TDRD7: variants seen among roughly 807,000 people sequenced by gnomAD.
TDRD7 encodes the protein tudor domain containing 7, also known as tudor domain-containing protein 7.
Under a neutral mutation model 109.8 loss-of-function variants are expected in TDRD7, and 47 were observed. That is an observed-to-expected ratio of 0.43 (90% CI 0.34 to 0.55). The LOEUF is 0.55. TDRD7 is among the 20% of genes least tolerant of loss of function. TDRD7 has a pLI of 0.03. For synonymous variants in TDRD7, 424 were observed against 457.3 expected, an observed-to-expected ratio of 0.93 and a Z score of 0.93; for missense variants, 1,164 against 1,319.2, an observed-to-expected ratio of 0.88 and a Z score of 1.82.
intron 1 of TDRD7, among the ~76,000 whole-genome samples, chr9:97,426,950 G>T (rs1001683699): frequency 6.6e-6 from 1 of 152,216 alleles, no homozygotes; most frequent in East Asian, 1.9e-4. Flanking sequence ...CCGCTGTCCA[G>T]TATGGTAGCC....
At chr9:97,490,933 T>TG (rs1414241911) in intron 16 of TDRD7, among the ~76,000 whole-genome samples, 3 of 144,718 alleles carry the variant, frequency 2.1e-5, no homozygotes, top group Non-Finnish European at 3.0e-5. Context: ...TTTTTTTTTT[T>TG]GAGACAGAGT....
intron 3 of TDRD7, 93 bp downstream of exon 3, chr9:97,431,167 A>G: frequency 6.4e-7 from 1 of 1,551,342 alleles, no homozygotes; most frequent in Non-Finnish European, 8.9e-7. Flanking sequence ...TATGATAAAT[A>G]CTTGTATCTG....
At chr9:97,436,524 T>G (rs955981315) in intron 4 of TDRD7, among the ~76,000 whole-genome samples, 3 of 152,124 alleles carry the variant, frequency 2.0e-5, no homozygotes, top group Non-Finnish European at 4.4e-5. Context: ...TTCCCTCAGT[T>G]TGTTTAATTA....
intron 16 of TDRD7, among the ~76,000 whole-genome samples, chr9:97,495,226 T>G (rs1417546755): frequency 6.6e-6 from 1 of 152,232 alleles, no homozygotes; most frequent in Non-Finnish European, 1.5e-5. Context: ...TGTATAATTT[T>G]AAATAACTAT....
intron 4 of TDRD7, 59 bp downstream of exon 4, chr9:97,432,297 G>T (rs1046668791): frequency 1.4e-4 from 192 of 1,422,172 alleles, no homozygotes; most frequent in Non-Finnish European, 1.8e-4. Flanking sequence ...TGTTACAAAT[G>T]TATGTTCAGG....
chr9:97,483,275 C>A lies in TDRD7; in HGVS notation c.2839C>A (p.Leu947Ile). ...KLEVLMEEMI[L>I]YYSVSEERHI... ...GGAAGTTCTGATGGAAGAGATGATT[C>A]TATATTACAGCGTGTCTGAAGAGCG... Residue 947 changes from leucine to isoleucine, a missense_variant, in exon 15 of 17, where the codon CTA becomes ATA. This residue lies in a region of TDRD7 where 162 missense variants were observed against 222.5 expected (regional missense o/e 0.73). Transcript: ENST00000355295. 1 of 1,613,912 alleles carries A rather than the reference C, an allele frequency of 6.2e-7. No homozygotes were observed. Among genetic ancestry groups the A allele is most frequent in the Non-Finnish European group, 8.5e-7 (1 of 1,179,972 alleles).
At chr9:97,461,524 G>A (rs1397800304) in intron 7 of TDRD7, among the ~76,000 whole-genome samples, 1 of 152,200 alleles carries the variant, frequency 6.6e-6, no homozygotes, top group African/African-American at 2.4e-5. Context: ...CGTTGCCTGA[G>A]AGGAGGTGTC....
chr9:97,478,946 A>G (rs1255419737), intron 13 of TDRD7, among the ~76,000 whole-genome samples: 1 of 151,768 alleles, frequency 6.6e-6, no homozygotes, highest in African/African-American at 2.4e-5. Context: ...TTCTTTGGAA[A>G]TCTGTTTAGA....
chr9:97,433,558 A>C (rs1828142272), intron 4 of TDRD7, among the ~76,000 whole-genome samples: 1 of 152,158 alleles, frequency 6.6e-6, no homozygotes, highest in African/African-American at 2.4e-5. Flanking sequence ...CCACCGAGGA[A>C]ACAGTCAACA....
At position 97,412,645 on chromosome 9, in the gene TDRD7, C is replaced by T. The variant is rs1487354520; in HGVS notation, c.-7+407C>T. ...GGCGCGACAGGCCGCAGCCGCCGCCCCCAGCGAGGGATGTCCGCGCTCCCC... is the reference window on the plus strand; with the variant it reads ...GGCGCGACAGGCCGCAGCCGCCGCCTCCAGCGAGGGATGTCCGCGCTCCCC... On this transcript the variant is annotated intron_variant, in intron 1 of 16. Coordinates refer to ENST00000355295, the MANE Select transcript of TDRD7 (RefSeq NM_014290.3). The surrounding 1 kb of genome is among the most constrained non-coding windows in gnomAD (Gnocchi z 4.3). Among the ~76,000 whole-genome samples the T allele has an allele frequency of 6.6e-6, 1 of 152,218 alleles. No individual in the cohort carries two copies. The highest frequency in any genetic ancestry group is 2.4e-5 in the African/African-American group (1 of 41,462).
chr9:97,484,855 G>A (rs955800875), intron 15 of TDRD7, among the ~76,000 whole-genome samples: 2 of 152,262 alleles, frequency 1.3e-5, no homozygotes, highest in African/African-American at 4.8e-5. Flanking sequence ...TAAAGGTGAG[G>A]AGATCCTCCT....
chr9:97,430,478 C>T (rs977792965), intron 2 of TDRD7, among the ~76,000 whole-genome samples: 1 of 152,198 alleles, frequency 6.6e-6, no homozygotes, highest in African/African-American at 2.4e-5. Flanking sequence ...TTGTATTCAA[C>T]ATAGTAGTTA....
At chr9:97,426,481 G>A (rs1587859731) in intron 1 of TDRD7, among the ~76,000 whole-genome samples, 4 of 152,114 alleles carry the variant, frequency 2.6e-5, no homozygotes, top group African/African-American at 9.7e-5. Context: ...CAAACTCCTG[G>A]GCTCAAGTGA....
intron 16 of TDRD7, among the ~76,000 whole-genome samples, chr9:97,489,380 T>C (rs1258208239): frequency 6.6e-6 from 1 of 152,210 alleles, no homozygotes; most frequent in Non-Finnish European, 1.5e-5. Flanking sequence ...AATTGACCCC[T>C]CTACCATTAT....
chr9:97,441,790 T>C lies in TDRD7; in HGVS notation c.770T>C (p.Leu257Pro), dbSNP rs759186158. ...KHNNGIWISK[L>P]PHFYKELYKE... ...AACAATGGCATTTGGATATCTAAGC[T>C]TCCACATTTTTACAAAGAGTTATAT... Residue 257 changes from leucine (L) to proline (P), a missense_variant, in exon 6 of 17, where the codon CTT becomes CCT. Coordinates refer to ENST00000355295, the MANE Select transcript of TDRD7 (RefSeq NM_014290.3). 3.1e-6 allele frequency: 5 copies of C among 1,613,850 alleles called. No individual in the cohort carries two copies. The highest frequency in any genetic ancestry group is 3.4e-6 in the Non-Finnish European group (4 of 1,179,840).
intron 9 of TDRD7, 144 bp downstream of exon 9, chr9:97,470,813 T>C: frequency 4.6e-6 from 3 of 658,302 alleles, no homozygotes; most frequent in Non-Finnish European, 8.1e-6. Context: ...GTCGAATGTA[T>C]TCTTTATAAG....
chr9:97,453,052 G>A (rs1036616839), intron 6 of TDRD7, among the ~76,000 whole-genome samples: 2 of 152,148 alleles, frequency 1.3e-5, no homozygotes, highest in African/African-American at 4.8e-5. Flanking sequence ...TAATAAAGCC[G>A]AAGAACCCTC....
intron 4 of TDRD7, among the ~76,000 whole-genome samples, chr9:97,438,555 G>T (rs1231570032): frequency 1.3e-5 from 2 of 152,154 alleles, no homozygotes; most frequent in Non-Finnish European, 1.5e-5. Context: ...TTAGAGTCTA[G>T]TGTGGGAAAC....
chr9:97,480,966 T>C, intron 14 of TDRD7, 28 bp downstream of exon 14: 1 of 1,588,136 alleles, frequency 6.3e-7, no homozygotes, highest in Middle Eastern at 1.7e-4. Flanking sequence ...GCCTGATACA[T>C]TTAGAAAGGG....
Sources: allele counts gnomAD v4.1 joint callset (sites outside exome capture counted in the v4.1 genomes callset), GRCh38; gene constraint gnomAD v4.1.1; regional missense constraint gnomAD v4.1.1; non-coding constraint Gnocchi (gnomAD v3.1); transcripts MANE v1.5; gene names NCBI Gene and HGNC (gene_info 2026-07-23, HGNC 2026-07-21).